Variants in ADA2 observed in about 807,000 individuals in gnomAD.
ADA2 encodes the protein adenosine deaminase 2, also known as adenosine deaminase CECR1.
Under a neutral mutation model 44.2 loss-of-function variants are expected in ADA2, and 29 were observed. That is an observed-to-expected ratio of 0.66 (90% confidence interval 0.49 to 0.89). The LOEUF is 0.89. Among genes scored for constraint, ADA2 ranks in the 40% least tolerant of loss-of-function variants. ADA2 has a pLI of 0.00. For synonymous variants in ADA2, 215 were observed against 234.9 expected, an observed-to-expected ratio of 0.92 and a Z score of 0.77; for missense variants, 637 against 644.8, an observed-to-expected ratio of 0.99 and a Z score of 0.13.
At chr22:17,189,187 T>C (rs868396955) in intron 6 of ADA2, among the ~76,000 whole-genome samples, 7 of 151,794 alleles carry the variant, frequency 4.6e-5, no homozygotes, top group East Asian at 2.0e-4. Flanking sequence ...TGGCTAATTT[T>C]TGTGTTTTTA....
At chr22:17,200,376 T>C (rs1360440774) in intron 4 of ADA2, among the ~76,000 whole-genome samples, 1 of 152,192 alleles carries the variant, frequency 6.6e-6, no homozygotes, top group Non-Finnish European at 1.5e-5. Flanking sequence ...GTCCTGTGTC[T>C]TGTCTGTCTG....
chr22:17,207,862 C>A (rs1410482823), intron 2 of ADA2, among the ~76,000 whole-genome samples: 7 of 152,164 alleles, frequency 4.6e-5, no homozygotes, highest in African/African-American at 1.7e-4. Flanking sequence ...GGCTTTTCAT[C>A]CCCTGCGCTG....
At chr22:17,207,387 G>A in intron 2 of ADA2, 97 bp from the exon 3 acceptor site, 1 of 870,450 alleles carries the variant, frequency 1.1e-6, no homozygotes, top group East Asian at 2.6e-5. Flanking sequence ...TCCCATCCCA[G>A]GACTCTGGGG....
At chr22:17,208,184 G>C (rs935938177) in intron 2 of ADA2, among the ~76,000 whole-genome samples, 12 of 152,096 alleles carry the variant, frequency 7.9e-5, no homozygotes, top group Admixed American at 6.6e-4. Flanking sequence ...CCAGCACTTT[G>C]GGAGGCCGAG....
chr22:17,193,035 G>T, intron 4 of ADA2: 1 of 700,666 alleles, frequency 1.4e-6, no homozygotes, highest in South Asian at 1.5e-5. Context: ...TCACAACGGG[G>T]TTCATAGAAG....
chr22:17,182,517 A>G, intron 8 of ADA2, 87 bp downstream of exon 8: 1 of 1,294,864 alleles, frequency 7.7e-7, no homozygotes, highest in African/African-American at 1.5e-5. Context: ...AGTTAAGGAG[A>G]GATAAGTTAT....
upstream of ADA2, chr22:17,221,759 C>T (rs942136084): frequency 5.9e-5 from 9 of 152,060 alleles, no homozygotes; most frequent in Non-Finnish European, 1.3e-4. Flanking sequence ...TGAATCAGAG[C>T]CCAGTTAGAT....
chr22:17,199,436 C>CCTCTTCCCCTCCCTCCCCTACTCTATA, intron 4 of ADA2: 1 of 1,000,784 alleles, frequency 1.0e-6, no homozygotes, highest in Non-Finnish European at 1.6e-6. Context: ...CCTCCTCTAT[C>CCTCTTCCCCTCCCTCCCCTACTCTATA]CTCTTCCCCT....
intron 2 of ADA2, among the ~76,000 whole-genome samples, chr22:17,208,678 A>C (rs1386725806): frequency 1.3e-5 from 2 of 148,740 alleles, no homozygotes; most frequent in East Asian, 2.1e-4. Flanking sequence ...TGGTTCATGC[A>C]TGTAATCCCA....
At chr22:17,216,168 G>A (rs2062469411) in intron 1 of ADA2, among the ~76,000 whole-genome samples, 2 of 151,788 alleles carry the variant, frequency 1.3e-5, no homozygotes, top group Admixed American at 6.6e-5. Flanking sequence ...GCCTGGGGAA[G>A]AAGCAAGACT....
At chr22:17,187,761 G>C (rs2123629630) in intron 7 of ADA2, among the ~76,000 whole-genome samples, 1 of 152,056 alleles carries the variant, frequency 6.6e-6, no homozygotes, top group Middle Eastern at 3.5e-3. Context: ...TGGAGCCTTG[G>C]GCTCTTCATC....
At chr22:17,212,282 C>T (rs2062427375) in intron 1 of ADA2, among the ~76,000 whole-genome samples, 1 of 152,068 alleles carries the variant, frequency 6.6e-6, no homozygotes, top group Non-Finnish European at 1.5e-5. Context: ...CAGACTCGGA[C>T]TCCTAAAGTA....
At chr22:17,184,768 A>T (rs1341976656) in intron 7 of ADA2, among the ~76,000 whole-genome samples, 1 of 150,372 alleles carries the variant, frequency 6.7e-6, no homozygotes, top group African/African-American at 2.5e-5. Flanking sequence ...GTCTCTACAA[A>T]AAATACAAAA....
At chr22:17,199,577 A>C in intron 4 of ADA2, 2 of 1,614,004 alleles carry the variant, frequency 1.2e-6, no homozygotes, top group Non-Finnish European at 1.7e-6. Flanking sequence ...CAGGGAATCC[A>C]TCTCCCCTCC....
chr22:17,189,674 C>T (rs561859193), intron 6 of ADA2: 2 of 412,892 alleles, frequency 4.8e-6, no homozygotes, highest in African/African-American at 2.0e-5. Flanking sequence ...TGAATGCCAT[C>T]CTTATTCTGG....
intron 4 of ADA2, chr22:17,199,438 T>TCTTCCCCACCCTCCCCTCCACTATCCA: frequency 1.0e-6 from 1 of 995,472 alleles, no homozygotes. Context: ...TCCTCTATCC[T>TCTTCCCCACCCTCCCCTCCACTATCCA]CTTCCCCTCC....
chr22:17,214,057 A>T (rs1273233015), intron 1 of ADA2: 1 of 499,400 alleles, frequency 2.0e-6, no homozygotes, highest in Non-Finnish European at 3.7e-6. Flanking sequence ...AAAAAAAAAA[A>T]AAATAGCATC....
At chr22:17,194,307 C>T (rs761566605) in intron 4 of ADA2, among the ~76,000 whole-genome samples, 4 of 152,156 alleles carry the variant, frequency 2.6e-5, no homozygotes, top group Non-Finnish European at 5.9e-5. Context: ...GAAATGGGCC[C>T]TTGGGAGTCC....
chr22:17,196,034 A>AC (rs1390637873), intron 4 of ADA2, among the ~76,000 whole-genome samples: 2 of 151,958 alleles, frequency 1.3e-5, no homozygotes, highest in Non-Finnish European at 2.9e-5. Context: ...GGCATGAGCC[A>AC]CTGCGCCCGG....
Sources: gnomAD v4.1 joint callset for allele counts (sites outside exome capture counted in the v4.1 genomes callset) on GRCh38, gnomAD v4.1.1 for gene constraint, MANE v1.5 for transcripts, NCBI Gene and HGNC (gene_info 2026-07-23, HGNC 2026-07-21) for gene names.